BCAS3: variants seen among roughly 807,000 people sequenced by gnomAD.
BCAS3 encodes BCAS3 microtubule associated cell migration factor, also known as BCAS4/BCAS3 fusion.
BCAS3 carries 53 observed loss-of-function variants against 116.1 expected under a neutral mutation model. The observed-to-expected ratio is 0.46, with a 90% CI of 0.37 to 0.57. The LOEUF (loss-of-function observed/expected upper bound fraction) is 0.57, where lower values mean the gene tolerates loss of function less well. Among genes scored for constraint, BCAS3 ranks in the 20% least tolerant of loss-of-function variants. BCAS3 has a pLI of 0.00. For missense variants in BCAS3, 917 were observed against 1,165.4 expected (o/e 0.79, Z 3.10); for synonymous variants, 391 against 408.2 (o/e 0.96, Z 0.51).
intron 22 of BCAS3, among the ~76,000 whole-genome samples, chr17:61,277,097 TTATAGGAAAAA>T (rs1025193165): frequency 2.0e-5 from 3 of 151,496 alleles, no homozygotes; most frequent in East Asian, 3.9e-4. Context: ...ACCTTGTCTC[TTATAGGAAAAA>T]AAAAATTTAG....
chr17:60,684,187 G>C, intron 3 of BCAS3, 151 bp downstream of exon 3: 2 of 659,352 alleles, frequency 3.0e-6, no homozygotes. Flanking sequence ...CTACATTATT[G>C]TTTAGATGTG....
In BCAS3 at chr17:60,868,671, A is replaced by G. The variant is rs1430463732; in HGVS notation, c.572A>G (p.His191Arg). The G allele has an allele frequency of 6.3e-7, 1 of 1,578,926 alleles. No individual in the cohort carries two copies. The highest frequency in any genetic ancestry group is 1.2e-5 in the South Asian group (1 of 85,930). The change falls in exon 8 of 24, where the codon CAT (histidine) becomes CGT (arginine). Residue 191 changes from histidine (H) to arginine (R), a missense_variant. By Grantham distance (29) the His-to-Arg change is conservative. Transcript: ENST00000407086. Reference protein sequence around the residue: ...IQFKTPIYDLHCNKRILVVVL... With the variant: ...IQFKTPIYDLRCNKRILVVVL... ...TTTAAGACACCTATTTATGATCTCC[A>G]TTGCAATAAACGGTAAGGATTTTTT...
chr17:61,160,495 A>G (rs2078108656), intron 22 of BCAS3, among the ~76,000 whole-genome samples: 2 of 152,158 alleles, frequency 1.3e-5, no homozygotes, highest in Non-Finnish European at 2.9e-5. Context: ...ATGCTTGGCA[A>G]GCTTAGCAAA....
intron 5 of BCAS3, chr17:60,709,678 T>C (rs533883534): frequency 2.0e-4 from 50 of 256,406 alleles, no homozygotes; most frequent in South Asian, 1.9e-3. Context: ...CGTGAGCCAC[T>C]GCACCCAGCA....
At chr17:61,110,648 C>T (rs1410840114) in intron 22 of BCAS3, among the ~76,000 whole-genome samples, 47 of 149,740 alleles carry the variant, frequency 3.1e-4, no homozygotes, top group African/African-American at 8.6e-4. Context: ...AACTGCAAGG[C>T]GGCAGCGAGG....
rs1330371206 is a variant in BCAS3 at position 61,029,977 on chromosome 17, T to G, written c.1638-4689T>G. 6.6e-6 allele frequency among the ~76,000 whole-genome samples: 1 copy of G among 152,092 alleles called. No individual in the cohort carries two copies. The highest frequency in any genetic ancestry group is 1.5e-5 in the Non-Finnish European group (1 of 67,962). ...AAATTTATGACAGAATAGAATAATT[T>G]CAGACAGATTATTAATATCTTTAGT... On this transcript the variant is annotated intron_variant, in intron 16 of 23. Transcript: ENST00000407086. This position sits in a 1 kb window ranked among gnomAD's most constrained non-coding sequence, Gnocchi z 5.2.
chr17:60,733,843 T>A (rs534438019), intron 5 of BCAS3, among the ~76,000 whole-genome samples: 31 of 152,206 alleles, frequency 2.0e-4, no homozygotes, highest in African/African-American at 7.2e-4. Flanking sequence ...CCAGACCTTG[T>A]CTCAAAAAAA....
chr17:60,761,332 A>G (rs2043506701), intron 6 of BCAS3, among the ~76,000 whole-genome samples: 2 of 152,022 alleles, frequency 1.3e-5, no homozygotes, highest in African/African-American at 4.8e-5. Context: ...CATTGACATT[A>G]GATATTTCTC....
chr17:60,827,487 C>T (rs2050533582), intron 7 of BCAS3, among the ~76,000 whole-genome samples: 1 of 152,082 alleles, frequency 6.6e-6, no homozygotes, highest in Non-Finnish European at 1.5e-5. Flanking sequence ...TCTTTACTTT[C>T]ATTGGAAAAT....
rs1555834950 is a variant in BCAS3, at chr17:61,334,675, A to AC, written c.2426-33652_2426-33651insC. 5.9e-3 allele frequency among the ~76,000 whole-genome samples: 863 copies of AC among 146,272 alleles called. 8 individuals are homozygous for AC. The highest frequency in any genetic ancestry group is 5.9e-3 in the Non-Finnish European group (400 of 67,390). ...GCAAAACTCCATCTCAAAAAAAAAA[A>AC]AAAAAAAAAAAAAACACCAAGAAAA... On this transcript the variant is annotated intron_variant, in intron 22 of 23. Transcript: ENST00000407086.
chr17:61,118,271 A>G lies in BCAS3; in HGVS notation c.2425+33707A>G, dbSNP rs889299085. On this transcript the variant is annotated intron_variant, in intron 22 of 23. Transcript: ENST00000407086. The surrounding 1 kb of genome is among the most constrained non-coding windows in gnomAD (Gnocchi z 5.0). ...CCAATCAGGTTACTACTTGGGAGAGATGGAAGTCCCGGCTCCCAACGTAGT... is the reference window on the plus strand; with the variant it reads ...CCAATCAGGTTACTACTTGGGAGAGGTGGAAGTCCCGGCTCCCAACGTAGT... Among the ~76,000 whole-genome samples the G allele has an allele frequency of 6.6e-6, 1 of 152,118 alleles. No homozygotes were observed. Among genetic ancestry groups the G allele is most frequent in the Non-Finnish European group, 1.5e-5 (1 of 68,020 alleles).
intron 19 of BCAS3, among the ~76,000 whole-genome samples, chr17:61,046,652 CT>C (rs563738100): frequency 8.8e-5 from 13 of 148,188 alleles, no homozygotes; most frequent in African/African-American, 2.0e-4. Flanking sequence ...CGCAACCATC[CT>C]TTTTTTTTTC....
chr17:60,845,546 C>G (rs1432303118), intron 7 of BCAS3, among the ~76,000 whole-genome samples: 1 of 152,180 alleles, frequency 6.6e-6, no homozygotes, highest in Non-Finnish European at 1.5e-5. Context: ...TTCAGTTCTC[C>G]TGGTTTCTGC....
chr17:60,854,075 G>A (rs1261307497), intron 7 of BCAS3, among the ~76,000 whole-genome samples: 2 of 150,302 alleles, frequency 1.3e-5, no homozygotes, highest in Non-Finnish European at 3.0e-5. Context: ...GACAGGCCCC[G>A]GTGTGTGTTG....
At chr17:60,698,395 G>A in intron 4 of BCAS3, among the ~76,000 whole-genome samples, 1 of 152,096 alleles carries the variant, frequency 6.6e-6, no homozygotes, top group East Asian at 1.9e-4. Context: ...CTGTAATCCA[G>A]CACTTTGGGA....
At chr17:61,045,847 CT>C (rs2068013316) in intron 19 of BCAS3, among the ~76,000 whole-genome samples, 1 of 3,004 alleles carries the variant, frequency 3.3e-4, no homozygotes, top group African/African-American at 1.3e-3. Flanking sequence ...CTCTCTCTCT[CT>C]CTATATATAT....
rs1039424879 is a variant in BCAS3, at chr17:60,807,881, T to C, written c.404-123T>C. 4.7e-6 allele frequency: 3 copies of C among 640,956 alleles called. No homozygotes were observed. The African/African-American group carries it at 5.5e-5, about 12-fold the overall frequency. The allele number at this position is 640,956 out of a possible 1,614,324, so 39.7% of individuals were successfully genotyped here. ...AGCTTTTCTTCTTTTTATTCAATTG[T>C]ATAAATTATGTCAACTTATAATGAA... On this transcript the variant is annotated intron_variant, in intron 6 of 23. Transcript: ENST00000407086.
chr17:61,160,179 G>C (rs2078085879), intron 22 of BCAS3, among the ~76,000 whole-genome samples: 1 of 82,542 alleles, frequency 1.2e-5, no homozygotes, highest in African/African-American at 2.7e-5. Context: ...TTTAAAGCAG[G>C]GTGGTTTTTT....
chr17:61,335,381 T>A (rs2056638976), intron 22 of BCAS3, among the ~76,000 whole-genome samples: 1 of 152,230 alleles, frequency 6.6e-6, no homozygotes, highest in Admixed American at 6.5e-5. Flanking sequence ...AACTACTATT[T>A]TCTGCCTGTT....
Sources: gnomAD v4.1 joint callset for allele counts (sites outside exome capture counted in the v4.1 genomes callset) on GRCh38, gnomAD v4.1.1 for gene constraint, Gnocchi (gnomAD v3.1) non-coding constraint, MANE v1.5 for transcripts, NCBI Gene and HGNC (gene_info 2026-07-23, HGNC 2026-07-21) for gene names.